Variants in OR9Q1 observed in about 807,000 individuals in gnomAD.
OR9Q1 encodes olfactory receptor family 9 subfamily Q member 1.
For missense variants in OR9Q1, 374 were observed against 378.8 expected, an observed-to-expected ratio of 0.99 and a Z score of 0.11; for synonymous variants, 153 against 148.6, an observed-to-expected ratio of 1.03 and a Z score of -0.22.
At chr11:58,178,576 T>A (rs1012343076) in intron 2 of OR9Q1, among the ~76,000 whole-genome samples, 1 of 152,110 alleles carries the variant, frequency 6.6e-6, no homozygotes, top group Admixed American at 6.6e-5. Context: ...GGAGTTGTGG[T>A]CACGGAGAAA....
intron 2 of OR9Q1, among the ~76,000 whole-genome samples, chr11:58,094,529 A>G (rs1441523662): frequency 6.6e-6 from 1 of 152,146 alleles, no homozygotes; most frequent in East Asian, 1.9e-4. Flanking sequence ...ATAATGTCAG[A>G]TATTTTATCT....
intron 2 of OR9Q1, among the ~76,000 whole-genome samples, chr11:58,159,671 C>G (rs1241190084): frequency 6.6e-6 from 1 of 152,210 alleles, no homozygotes; most frequent in Non-Finnish European, 1.5e-5. Context: ...GTATAACAGA[C>G]AGACAAGTTT....
Position 58,083,743 on chromosome 11 carries a change from G to A in OR9Q1, c.-15+27796G>A, listed in dbSNP as rs1487695213. Among the ~76,000 whole-genome samples the A allele has an allele frequency of 3.3e-5, 5 of 151,630 alleles. No individual in the cohort carries two copies. In the South Asian group the frequency reaches 6.2e-4, roughly 19 times the overall value. ...CTTTTCCTCATTGCTTGTTTCTGTC[G>A]ACTTTGTTGAAGATCACATGGTTGT... On this transcript the variant is annotated intron_variant, in intron 2 of 2. Transcript: ENST00000335397.
chr11:58,059,567 A>G (rs1434603995), intron 2 of OR9Q1, among the ~76,000 whole-genome samples: 1 of 151,690 alleles, frequency 6.6e-6, no homozygotes, highest in Non-Finnish European at 1.5e-5. Flanking sequence ...GTGGTGGCGC[A>G]TGCCTGTAAT....
At chr11:58,084,008 G>C (rs1421574647) in intron 2 of OR9Q1, among the ~76,000 whole-genome samples, 1 of 151,882 alleles carries the variant, frequency 6.6e-6, no homozygotes, top group Non-Finnish European at 1.5e-5. Context: ...GATGTTGATA[G>C]TTTGATAAGA....
chr11:58,140,952 T>G (rs1854242466), intron 2 of OR9Q1, among the ~76,000 whole-genome samples: 1 of 152,200 alleles, frequency 6.6e-6, no homozygotes, highest in African/African-American at 2.4e-5. Flanking sequence ...TTGTATCCTC[T>G]TTTATTTCAT....
intron 2 of OR9Q1, chr11:58,118,334 C>A: frequency 1.8e-6 from 1 of 566,628 alleles, no homozygotes. Context: ...CATGGAATTG[C>A]TGGAAACTAA....
chr11:58,031,484 A>G, intron 1 of OR9Q1: 1 of 1,614,038 alleles, frequency 6.2e-7, no homozygotes, highest in Non-Finnish European at 8.5e-7. Context: ...CCCAAATGTC[A>G]TTGACCATTT....
chr11:58,077,117 A>G (rs1160654204), intron 2 of OR9Q1, among the ~76,000 whole-genome samples: 2 of 152,190 alleles, frequency 1.3e-5, no homozygotes, highest in Admixed American at 1.3e-4. Context: ...TCCAATGTTG[A>G]GATTTCTATA....
chr11:58,036,084 GTTA>G (rs1590547141), intron 1 of OR9Q1, among the ~76,000 whole-genome samples: 1 of 151,696 alleles, frequency 6.6e-6, no homozygotes, highest in South Asian at 2.1e-4. Context: ...AAACTTTACT[GTTA>G]TTATTATATG....
At chr11:58,100,521 G>T (rs1185155554) in intron 2 of OR9Q1, among the ~76,000 whole-genome samples, 1 of 152,058 alleles carries the variant, frequency 6.6e-6, no homozygotes, top group Non-Finnish European at 1.5e-5. Context: ...TGAAAAAGCA[G>T]TATTTTATGT....
chr11:58,087,923 C>T (rs1225790174), intron 2 of OR9Q1, among the ~76,000 whole-genome samples: 1 of 151,898 alleles, frequency 6.6e-6, no homozygotes, highest in Non-Finnish European at 1.5e-5. Flanking sequence ...GAGTCTCACT[C>T]TGTTACCTAG....
At chr11:58,118,628 C>A in intron 2 of OR9Q1, 1 of 1,613,886 alleles carries the variant, frequency 6.2e-7, no homozygotes, top group Non-Finnish European at 8.5e-7. Flanking sequence ...ACAGACACGA[C>A]TTTGTCTTCC....
At chr11:58,037,414 T>G (rs1194976569) in intron 1 of OR9Q1, among the ~76,000 whole-genome samples, 1 of 151,906 alleles carries the variant, frequency 6.6e-6, no homozygotes, top group African/African-American at 2.4e-5. Context: ...CTGTAGACTT[T>G]CAGGCACCTG....
chr11:58,145,728 AT>A (rs568057551), intron 2 of OR9Q1, among the ~76,000 whole-genome samples: 8 of 151,860 alleles, frequency 5.3e-5, no homozygotes, highest in African/African-American at 1.7e-4. Context: ...CAAAATATAG[AT>A]TTTTTTTCTT....
intron 2 of OR9Q1, among the ~76,000 whole-genome samples, chr11:58,131,395 C>T (rs11600060): frequency 0.22 from 33,959 of 151,922 alleles, 4,149 homozygotes; most frequent in Middle Eastern, 0.38. Context: ...TTCTCCATCA[C>T]ATGTAAGGAT....
chr11:58,078,200 C>CA (rs928594251), intron 2 of OR9Q1: 46 of 151,044 alleles, frequency 3.0e-4, no homozygotes, highest in South Asian at 8.4e-4. Flanking sequence ...AAATCCCCAC[C>CA]AAAAAAAAAC....
chr11:58,039,162 G>T (rs1853135638), intron 1 of OR9Q1, among the ~76,000 whole-genome samples: 2 of 152,022 alleles, frequency 1.3e-5, no homozygotes, highest in Admixed American at 1.3e-4. Flanking sequence ...CCTAATTTTT[G>T]TATTTTTAGT....
intron 2 of OR9Q1, among the ~76,000 whole-genome samples, chr11:58,168,480 T>C (rs1854525640): frequency 6.6e-6 from 1 of 152,230 alleles, no homozygotes; most frequent in Admixed American, 6.5e-5. Context: ...TCAGGTCATA[T>C]TTAATTTTTT....
Sources: gnomAD v4.1 joint callset for allele counts (sites outside exome capture counted in the v4.1 genomes callset) on GRCh38, gnomAD v4.1.1 for gene constraint, MANE v1.5 for transcripts, NCBI Gene and HGNC (gene_info 2026-07-23, HGNC 2026-07-21) for gene names.